Variants in CADPS observed in about 807,000 individuals in gnomAD.
CADPS encodes calcium dependent secretion activator.
CADPS carries 57 observed loss-of-function variants against 167.3 expected under a neutral mutation model. The observed-to-expected ratio is 0.34, with a 90% CI of 0.28 to 0.42. The LOEUF is 0.42. Among genes scored for constraint, CADPS ranks in the 20% least tolerant of loss-of-function variants. The pLI is 1.00. For missense variants in CADPS, 1,414 were observed against 1,738.1 expected, an observed-to-expected ratio of 0.81 and a Z score of 3.32; for synonymous variants, 676 against 635.3, an observed-to-expected ratio of 1.06 and a Z score of -0.96.
In CADPS at chr3:62,801,739, C is replaced by T. The variant is rs115728984; in HGVS notation, c.442-35755G>A. On this transcript the variant is annotated intron_variant, in intron 1 of 29. Transcript: ENST00000383710. ...TTGACCTGTGAAGCAGGTGTCATTACCCCGTTTTACGGATTAAAAAAAAAG... is the reference window on the plus strand; with the variant it reads ...TTGACCTGTGAAGCAGGTGTCATTATCCCGTTTTACGGATTAAAAAAAAAG... Among the ~76,000 whole-genome samples the T allele has an allele frequency of 3.9e-3, 592 of 152,170 alleles. 4 individuals carry two copies. The highest frequency in any genetic ancestry group is 0.01 in the Middle Eastern group (3 of 294).
intron 17 of CADPS, among the ~76,000 whole-genome samples, chr3:62,509,641 A>G (rs964316433): frequency 6.6e-6 from 1 of 152,162 alleles, no homozygotes; most frequent in Non-Finnish European, 1.5e-5. Context: ...AATTGGAGAG[A>G]AGAAAAGTCC....
At chr3:62,444,121 AC>A (rs1296514034) in intron 27 of CADPS, among the ~76,000 whole-genome samples, 1 of 152,178 alleles carries the variant, frequency 6.6e-6, no homozygotes. Flanking sequence ...TCTACAGGCC[AC>A]CTGTTCAAAC....
intron 5 of CADPS, among the ~76,000 whole-genome samples, chr3:62,649,707 C>A (rs183892503): frequency 4.0e-4 from 61 of 151,338 alleles, no homozygotes; most frequent in Admixed American, 1.8e-3. Context: ...CACCATCACA[C>A]TCAGCTAATT....
At chr3:62,714,091 G>T (rs1210771923) in intron 3 of CADPS, among the ~76,000 whole-genome samples, 2 of 152,024 alleles carry the variant, frequency 1.3e-5, no homozygotes, top group East Asian at 3.9e-4. Flanking sequence ...TTAAGGAGCT[G>T]GGAACTACAA....
chr3:62,655,846 CTGT>C lies in CADPS; in HGVS notation c.970-4769_970-4767del, dbSNP rs2071419249. On this transcript the variant is annotated intron_variant, in intron 4 of 29. Coordinates refer to ENST00000383710, the MANE Select transcript of CADPS (RefSeq NM_003716.4). ...TCTGTCATGTGTCAGGTTGGTATGGCTGTCACTGGAGATGAGAAAACCAGCCGA... is the reference window on the plus strand; with the variant it reads ...TCTGTCATGTGTCAGGTTGGTATGGCCACTGGAGATGAGAAAACCAGCCGA... Among the ~76,000 whole-genome samples the C allele has an allele frequency of 2.6e-5, 4 of 152,208 alleles. No individual in the cohort carries two copies. In the South Asian group the frequency reaches 8.3e-4, roughly 32 times the overall value.
chr3:62,856,916 A>G (rs1401786339), intron 1 of CADPS, among the ~76,000 whole-genome samples: 2 of 151,884 alleles, frequency 1.3e-5, no homozygotes, highest in East Asian at 3.9e-4. Flanking sequence ...GAGCAGTTTT[A>G]TAATCTTTGG....
At chr3:62,683,567 T>C (rs1019963230) in intron 3 of CADPS, among the ~76,000 whole-genome samples, 3 of 152,096 alleles carry the variant, frequency 2.0e-5, no homozygotes, top group Non-Finnish European at 4.4e-5. Flanking sequence ...CATGTTACCA[T>C]GGCACATTTG....
chr3:62,867,275 T>C (rs1281907108), intron 1 of CADPS, among the ~76,000 whole-genome samples: 1 of 152,014 alleles, frequency 6.6e-6, no homozygotes, highest in Admixed American at 6.6e-5. Flanking sequence ...ATAGTGGCTA[T>C]GAAGAAAATA....
In CADPS at chr3:62,481,768, G is replaced by C; in HGVS notation, c.3128C>G (p.Pro1043Arg). ...CATCCATGACGGTGCCGAAAAAGTA[G>C]GCATTTGTGGGATGCCTAGAGGGAT... The part of the protein sequence containing the change: ...VNIPLGIPQM[P>R]TFSAPSWMAA... The change falls in exon 22 of 30, where the codon CCT becomes CGT. Residue 1043 changes from proline to arginine, a missense_variant. Physicochemically the swap from Pro to Arg is moderately radical, Grantham distance 103. Around this residue, in one of 6 missense-constraint regions of CADPS, gnomAD observed 529 missense variants for 629.6 expected, o/e 0.84. Transcript: ENST00000383710. 6.2e-7 allele frequency: 1 copy of C among 1,609,580 alleles called. No individual in the cohort carries two copies. Among genetic ancestry groups the C allele is most frequent in the Admixed American group, 1.7e-5 (1 of 59,030 alleles).
chr3:62,532,535 T>C (rs991433668), intron 13 of CADPS, among the ~76,000 whole-genome samples: 4 of 152,158 alleles, frequency 2.6e-5, no homozygotes, highest in Non-Finnish European at 2.9e-5. Flanking sequence ...GGGTATACAA[T>C]CATCCCATTT....
chr3:62,671,734 T>A (rs887425687), intron 3 of CADPS, among the ~76,000 whole-genome samples: 7 of 151,996 alleles, frequency 4.6e-5, no homozygotes, highest in African/African-American at 1.7e-4. Flanking sequence ...AATATGATAT[T>A]CCGGGTTGGG....
intron 3 of CADPS, among the ~76,000 whole-genome samples, chr3:62,728,602 T>C (rs2077177162): frequency 6.6e-6 from 1 of 151,924 alleles, no homozygotes; most frequent in Non-Finnish European, 1.5e-5. Flanking sequence ...GGATTCATTG[T>C]TGTTTCATTT....
At chr3:62,481,605 A>G (rs1264115907) in intron 22 of CADPS, 118 bp downstream of exon 22, 1 of 951,494 alleles carries the variant, frequency 1.1e-6, no homozygotes. Flanking sequence ...TGATCAGCAA[A>G]ATATGTCTAA....
At chr3:62,467,291 C>T (rs2150412604) in intron 24 of CADPS, 4 of 1,251,328 alleles carry the variant, frequency 3.2e-6, no homozygotes, top group East Asian at 6.0e-5. Flanking sequence ...AAGGAAAATG[C>T]ACTTACCCAC....
chr3:62,472,710 T>C (rs2060773823), intron 24 of CADPS, among the ~76,000 whole-genome samples: 1 of 152,232 alleles, frequency 6.6e-6, no homozygotes, highest in Non-Finnish European at 1.5e-5. Flanking sequence ...AAAACTAGAA[T>C]AGTGCTACCA....
At chr3:62,409,267 A>C (rs928806020) in intron 28 of CADPS, among the ~76,000 whole-genome samples, 4 of 152,230 alleles carry the variant, frequency 2.6e-5, no homozygotes, top group Non-Finnish European at 5.9e-5. Context: ...TACTTTATAG[A>C]AGTAATGGAT....
intron 3 of CADPS, among the ~76,000 whole-genome samples, chr3:62,728,459 C>G (rs936007836): frequency 6.6e-6 from 1 of 151,854 alleles, no homozygotes; most frequent in African/African-American, 2.4e-5. Flanking sequence ...TGAGCCAAAT[C>G]TCAGTTTTCC....
Position 62,420,861 on chromosome 3 carries a change from A to AACACACACAC in CADPS, c.3777+17233_3777+17242dup, listed in dbSNP as rs775850925. 1.1e-4 allele frequency among the ~76,000 whole-genome samples: 15 copies of AACACACACAC among 133,852 alleles called. No individual in the cohort carries two copies. Among genetic ancestry groups the AACACACACAC allele is most frequent in the East Asian group, 4.3e-4 (2 of 4,642 alleles). 87.8% of individuals were successfully genotyped at this position (133,852 alleles called of 152,430 possible). A position where few individuals can be genotyped will look rare whatever the true frequency, so the allele number is the denominator to read the frequency against. On this transcript the variant is annotated intron_variant, in intron 28 of 29. Transcript: ENST00000383710. The surrounding 1 kb of genome is among the most constrained non-coding windows in gnomAD (Gnocchi z 4.1). ...TTTTCTCTTTATGGGAGGGAGAACGAACACACACACACACACACACACACA... is the reference window on the plus strand; with the variant it reads ...TTTTCTCTTTATGGGAGGGAGAACGAACACACACACACACACACACACACACACACACACA...
chr3:62,841,372 C>A (rs143165435), intron 1 of CADPS, among the ~76,000 whole-genome samples: 4 of 152,266 alleles, frequency 2.6e-5, no homozygotes, highest in Admixed American at 1.3e-4. Context: ...GGGAAAAATT[C>A]TTTACTATCA....
Sources: allele counts gnomAD v4.1 joint callset (sites outside exome capture counted in the v4.1 genomes callset), GRCh38; gene constraint gnomAD v4.1.1; regional missense constraint gnomAD v4.1.1; non-coding constraint Gnocchi (gnomAD v3.1); transcripts MANE v1.5; gene names NCBI Gene and HGNC (gene_info 2026-07-23, HGNC 2026-07-21).